The following FOXRED2 variants were observed in gnomAD, a reference collection of about 807,000 sequenced individuals.
FOXRED2 encodes FAD-dependent oxidoreductase domain-containing protein 2.
A neutral mutation model predicts 52.5 loss-of-function variants in FOXRED2; 32 were observed. The observed-to-expected ratio is 0.61, with a 90% CI of 0.46 to 0.82. The LOEUF is 0.82. Among genes scored for constraint, FOXRED2 ranks in the 40% least tolerant of loss-of-function variants. The pLI is 0.00. For missense variants in FOXRED2, 848 were observed against 937.5 expected (o/e 0.90, Z 1.25); for synonymous variants, 405 against 398.1 (o/e 1.02, Z -0.21).
rs559131060 is a variant in FOXRED2 at position 36,496,117 on chromosome 22, GC to G, written c.1473del (p.Leu492SerfsTer54). The G allele has an allele frequency of 6.2e-7, 1 of 1,614,090 alleles. No individual in the cohort carries two copies. Among genetic ancestry groups the G allele is most frequent in the Non-Finnish European group, 8.5e-7 (1 of 1,180,054 alleles). On this transcript the variant is annotated frameshift_variant, in exon 7 of 9. Transcript: ENST00000397224. LOFTEE classifies it high-confidence loss of function. The stretch of plus-strand genomic sequence containing the variant: ...CCATATTCCATGTTGATGACGAAGA[GC>G]CCGTGCTTTGCCTTCCTCCCTGTGA... ...ETLTGRKAKHGLFVINMEYGR... is the reference protein window; with the variant it reads ...ETLTGRKAKHXLFVINMEYGR...
chr22:36,493,750 T>G lies in FOXRED2; in HGVS notation c.1678A>C (p.Ile560Leu). Reference protein sequence around the residue: ...AHWPLPRPTAIHHIVEDFLTD... With the variant: ...AHWPLPRPTALHHIVEDFLTD... ...AAGAAGTCTTCCACGATGTGATGGA[T>G]GGCCGTGGGCCGAGGCAGGGGCCAG... The change falls in exon 8 of 9, where the codon ATC becomes CTC. Residue 560 changes from isoleucine (I) to leucine (L), a missense_variant. Coordinates refer to ENST00000397224, the MANE Select transcript of FOXRED2 (RefSeq NM_001102371.2). 1 of 1,614,248 alleles carries G rather than the reference T, an allele frequency of 6.2e-7. No homozygotes were observed. The highest frequency in any genetic ancestry group is 8.5e-7 in the Non-Finnish European group (1 of 1,180,036).
intron 7 of FOXRED2, 71 bp from the exon 8 acceptor site, chr22:36,493,874 A>G: frequency 1.4e-6 from 2 of 1,379,970 alleles, no homozygotes; most frequent in East Asian, 4.6e-5. Flanking sequence ...CCGACACAGC[A>G]CGGATCCCAC....
chr22:36,492,025 G>C (rs1400534518), intron 8 of FOXRED2, among the ~76,000 whole-genome samples: 1 of 152,110 alleles, frequency 6.6e-6, no homozygotes, highest in Admixed American at 6.6e-5. Flanking sequence ...ACAGCACAAA[G>C]GATGTCGTGA....
chr22:36,496,287 G>A, intron 6 of FOXRED2, 79 bp from the exon 7 acceptor site: 8 of 1,543,852 alleles, frequency 5.2e-6, no homozygotes, highest in South Asian at 1.2e-5. Context: ...GAGCATGTGT[G>A]TGTGCGTGTG....
chr22:36,495,844 A>G, intron 7 of FOXRED2, 123 bp downstream of exon 7: 1 of 1,077,082 alleles, frequency 9.3e-7, no homozygotes, highest in Non-Finnish European at 1.4e-6. Flanking sequence ...CTCTAGGCAG[A>G]GTCCCGCAGC....
At chr22:36,498,340 C>A in intron 5 of FOXRED2, 184 bp from the exon 6 acceptor site, 1 of 619,490 alleles carries the variant, frequency 1.6e-6, no homozygotes, top group Non-Finnish European at 2.8e-6. Flanking sequence ...TAGAGCAGGG[C>A]CAGCAGGTAT....
chr22:36,505,391 G>C (rs1355098890), intron 2 of FOXRED2, among the ~76,000 whole-genome samples: 2 of 152,236 alleles, frequency 1.3e-5, no homozygotes, highest in Non-Finnish European at 2.9e-5. Context: ...CCATTGGTGA[G>C]GATCGCCATC....
rs559914566 is a variant in FOXRED2, at chr22:36,501,684, G to A, written c.1050-277C>T. 2.1e-4 allele frequency among the ~76,000 whole-genome samples: 32 copies of A among 152,124 alleles called. No homozygotes were observed. The South Asian group carries it at 6.4e-3, about 31-fold the overall frequency. ...CCACGTTAGCCAGCCTGGTCTCGAT[G>A]TCCTGACCTTAGGTGATCTGTCTGC... On this transcript the variant is annotated intron_variant, in intron 4 of 8. Coordinates refer to ENST00000397224, the MANE Select transcript of FOXRED2 (RefSeq NM_001102371.2).
intron 8 of FOXRED2, among the ~76,000 whole-genome samples, chr22:36,493,241 C>T (rs1933802983): frequency 6.6e-6 from 1 of 152,178 alleles, no homozygotes. Context: ...AGTTCGAGAC[C>T]AGCCTGGCCA....
intron 8 of FOXRED2, among the ~76,000 whole-genome samples, chr22:36,492,878 C>T (rs1331012615): frequency 6.6e-6 from 1 of 152,322 alleles, no homozygotes; most frequent in Non-Finnish European, 1.5e-5. Flanking sequence ...GCTCAATGAT[C>T]TCATGAAGTT....
At chr22:36,504,439 G>A in intron 3 of FOXRED2, 72 bp from the exon 4 acceptor site, 1 of 1,607,904 alleles carries the variant, frequency 6.2e-7, no homozygotes, top group South Asian at 1.1e-5. Context: ...GTCAGGAAGG[G>A]CAGGGGAGGG....
intron 5 of FOXRED2, 49 bp from the exon 6 acceptor site, chr22:36,498,205 T>A (rs1819268351): frequency 6.4e-7 from 1 of 1,569,820 alleles, no homozygotes; most frequent in South Asian, 1.2e-5. Flanking sequence ...CCATTTTATC[T>A]CTGGTCACTG....
intron 5 of FOXRED2, 37 bp from the exon 6 acceptor site, chr22:36,498,193 T>TA (rs1237662781): frequency 1.9e-6 from 3 of 1,584,138 alleles, no homozygotes; most frequent in Non-Finnish European, 2.6e-6. Flanking sequence ...ACGCTGCACT[T>TA]ACCATTTTAT....
Position 36,506,667 on chromosome 22 carries a change from C to T in FOXRED2, c.-1-244G>A, listed in dbSNP as rs1934209214. 1.8e-5 allele frequency: 8 copies of T among 442,532 alleles called. No homozygotes were observed. In the South Asian group the frequency reaches 4.8e-4, roughly 26 times the overall value. 27.4% of individuals were successfully genotyped at this position (442,532 alleles called of 1,614,324 possible). On this transcript the variant is annotated intron_variant, in intron 1 of 8. Transcript: ENST00000397224. The stretch of plus-strand genomic sequence containing the variant: ...GTCTCCTTCCTCAGGGGCACCGGCT[C>T]CCCGCTTATGATTGTAGTAACCTCC...
At chr22:36,498,811 A>G (rs1933972724) in intron 5 of FOXRED2, among the ~76,000 whole-genome samples, 2 of 151,880 alleles carry the variant, frequency 1.3e-5, no homozygotes, top group South Asian at 4.2e-4. Flanking sequence ...CCTGGGTTCC[A>G]GGAGGAACCG....
chr22:36,496,194 A>G lies in FOXRED2; in HGVS notation c.1397T>C (p.Phe466Ser). 1 of 1,613,670 alleles carries G rather than the reference A, an allele frequency of 6.2e-7. No homozygotes were observed. Among genetic ancestry groups the G allele is most frequent in the Non-Finnish European group, 8.5e-7 (1 of 1,179,992 alleles). ...TATGGGGAACTCCTCCAGGTACTCA[A>G]AGGCCGTGGAATTCCTGGGAGAACA... ...VILLKENSTA[F>S]EYLEEFPIQM... is the part of the protein sequence containing the mutation. Residue 466 changes from phenylalanine (F) to serine (S), a missense_variant, in exon 7 of 9, where the codon TTT (phenylalanine) becomes TCT (serine). Phe to Ser is a radical substitution (Grantham distance 155). Transcript: ENST00000397224.
intron 7 of FOXRED2, 24 bp from the exon 8 acceptor site, chr22:36,493,827 A>T: frequency 6.2e-7 from 1 of 1,610,046 alleles, no homozygotes; most frequent in Non-Finnish European, 8.5e-7. Flanking sequence ...AGAGGGGGCC[A>T]TGTCAGAGCT....
chr22:36,490,548 C>G (rs912326060), intron 8 of FOXRED2, among the ~76,000 whole-genome samples: 1 of 152,238 alleles, frequency 6.6e-6, no homozygotes, highest in Non-Finnish European at 1.5e-5. Context: ...TGCCTCAGCT[C>G]CCAGACATCA....
At position 36,490,233 on chromosome 22, in the gene FOXRED2, C is replaced by T. The variant is rs973921342; in HGVS notation, c.1830G>A (p.Lys610=). 19 of 1,612,840 alleles carry T rather than the reference C, an allele frequency of 1.2e-5. No individual in the cohort carries two copies. Among genetic ancestry groups the T allele is most frequent in the Non-Finnish European group, 1.6e-5 (19 of 1,179,138 alleles). Residue 610 remains lysine, a synonymous_variant, in exon 9 of 9, where the codon AAG becomes AAA. Coordinates refer to ENST00000397224, the MANE Select transcript of FOXRED2 (RefSeq NM_001102371.2). Reference sequence around the variant, plus strand: ...ACCCCTGCTGGCAAAAGGGTGGCAACTTCTGGCGCGTGAGGGCGAACAGGA... The same window carrying T: ...ACCCCTGCTGGCAAAAGGGTGGCAATTTCTGGCGCGTGAGGGCGAACAGGA... ...SCFLFALTRQ[K]LPPFCQQGYL... is the part of the protein sequence containing the mutation.
Sources: gnomAD v4.1 joint callset for allele counts (sites outside exome capture counted in the v4.1 genomes callset) on GRCh38, gnomAD v4.1.1 for gene constraint, MANE v1.5 for transcripts, NCBI Gene and HGNC (gene_info 2026-07-23, HGNC 2026-07-21) for gene names.